Variants in RHBDD1 observed in about 807,000 individuals in gnomAD.
The protein encoded by RHBDD1 is rhomboid-related protein 4.
A neutral mutation model predicts 36.3 loss-of-function variants in RHBDD1; 38 were observed. The observed-to-expected ratio is 1.05, with a 90% CI of 0.81 to 1.37. RHBDD1 has a LOEUF of 1.37. Ranked by LOEUF, RHBDD1 falls within the 40% of genes most tolerant of loss-of-function variation. RHBDD1 has a pLI of 0.00. For synonymous variants in RHBDD1, 151 were observed against 136.5 expected (o/e 1.11, Z -0.74); for missense variants, 393 against 377.6 (o/e 1.04, Z -0.34).
Position 226,995,721 on chromosome 2 carries a change from G to T in RHBDD1, c.*199G>T. The T allele has an allele frequency of 1.7e-6, 1 of 588,908 alleles. No individual in the cohort carries two copies. The highest frequency in any genetic ancestry group is 3.0e-6 in the Non-Finnish European group (1 of 331,022). 36.5% of individuals were successfully genotyped at this position (588,908 alleles called of 1,614,324 possible). ...GCTTGCGGGGAGTGGGCCTTCTCCT[G>T]GCCTTGTTCTTGCTCATAAACAGGT... On this transcript the variant is annotated 3_prime_UTR_variant, in exon 9 of 9. Transcript: ENST00000392062.
At chr2:226,926,444 A>G (rs1949677790) in intron 8 of RHBDD1, among the ~76,000 whole-genome samples, 1 of 152,124 alleles carries the variant, frequency 6.6e-6, no homozygotes, top group Non-Finnish European at 1.5e-5. Context: ...TGCCCTTTTT[A>G]TGATTTAATT....
chr2:226,917,905 ATAGT>A (rs1265245103), intron 8 of RHBDD1, among the ~76,000 whole-genome samples: 3 of 152,074 alleles, frequency 2.0e-5, no homozygotes, highest in Non-Finnish European at 4.4e-5. Context: ...ATAAAAGTTA[ATAGT>A]TAATTGATGA....
At position 226,841,361 on chromosome 2, in the gene RHBDD1, T is replaced by A. The variant is rs541934830; in HGVS notation, c.-91+1734T>A. ...GTGTAGGATGTGCAGGTTTGTTACA[T>A]AGGTAAACATGTGCCATGGTGGTTT... is the stretch of plus-strand genomic sequence containing the variant. On this transcript the variant is annotated intron_variant, in intron 3 of 8. Transcript: ENST00000392062. 2.0e-5 allele frequency among the ~76,000 whole-genome samples: 3 copies of A among 152,242 alleles called. No homozygotes were observed. In the South Asian group the frequency reaches 6.2e-4, roughly 32 times the overall value.
intron 8 of RHBDD1, among the ~76,000 whole-genome samples, chr2:226,956,185 G>A (rs1951779055): frequency 6.6e-6 from 1 of 152,138 alleles, no homozygotes; most frequent in Non-Finnish European, 1.5e-5. Context: ...CCCTCTGGGA[G>A]TCCCACTGTG....
chr2:226,843,234 C>T (rs1001662260), intron 3 of RHBDD1, among the ~76,000 whole-genome samples: 2 of 152,130 alleles, frequency 1.3e-5, no homozygotes, highest in Admixed American at 1.3e-4. Context: ...ATTTCACTTC[C>T]TCTCTTCCTA....
intron 8 of RHBDD1, among the ~76,000 whole-genome samples, chr2:226,974,174 G>T (rs1332989948): frequency 2.0e-5 from 3 of 152,224 alleles, no homozygotes; most frequent in African/African-American, 7.2e-5. Flanking sequence ...ATGTGGGAAG[G>T]TTCCGCTGAA....
chr2:226,962,098 C>G (rs1402615363), intron 8 of RHBDD1, among the ~76,000 whole-genome samples: 1 of 152,206 alleles, frequency 6.6e-6, no homozygotes, highest in African/African-American at 2.4e-5. Context: ...ATCCGAGCTA[C>G]TCTTTCCAGT....
At chr2:226,805,669 AT>A in the RHBDD1 span, among the ~76,000 whole-genome samples, 1 of 152,228 alleles carries the variant, frequency 6.6e-6, no homozygotes, top group Non-Finnish European at 1.5e-5. Context: ...CTAAATTTAA[AT>A]TTATATTTAA....
At chr2:226,984,128 C>G (rs1956400773) in intron 8 of RHBDD1, among the ~76,000 whole-genome samples, 1 of 152,244 alleles carries the variant, frequency 6.6e-6, no homozygotes, top group South Asian at 2.1e-4. Flanking sequence ...CACATCTGTT[C>G]ACCGCTCTGA....
intron 2 of RHBDD1, among the ~76,000 whole-genome samples, chr2:226,838,950 C>T (rs984034601): frequency 2.6e-5 from 4 of 152,162 alleles, no homozygotes; most frequent in African/African-American, 9.7e-5. Context: ...TGGGGACAGT[C>T]AGCTAGAGAA....
intron 3 of RHBDD1, among the ~76,000 whole-genome samples, chr2:226,860,954 G>C (rs755478166): frequency 3.3e-5 from 5 of 152,162 alleles, no homozygotes; most frequent in Non-Finnish European, 5.9e-5. Flanking sequence ...GAATATAAGT[G>C]TTTTGTTATT....
At chr2:226,942,132 G>C (rs953274032) in intron 8 of RHBDD1, among the ~76,000 whole-genome samples, 1 of 152,084 alleles carries the variant, frequency 6.6e-6, no homozygotes, top group African/African-American at 2.4e-5. Context: ...TAACTAAGTA[G>C]AGATTAACAT....
the RHBDD1 span, among the ~76,000 whole-genome samples, chr2:226,801,203 AC>A: frequency 1.3e-5 from 2 of 151,962 alleles, no homozygotes; most frequent in African/African-American, 4.8e-5. Flanking sequence ...AGTGGCTGGG[AC>A]CCGGCGGGCC....
rs995526829 is a variant in RHBDD1 at position 226,882,835 on chromosome 2, G to A, written c.566+15517G>A. ...TCACACTTCTGGAGGCTGGAAGTCT[G>A]AGATCAGGTTGCCATCATGGTTGGT... On this transcript the variant is annotated intron_variant, in intron 5 of 8. Transcript: ENST00000392062. Among the ~76,000 whole-genome samples the A allele has an allele frequency of 5.9e-5, 9 of 152,274 alleles. 1 individual carries two copies. The highest frequency in any genetic ancestry group is 6.8e-3 in the Middle Eastern group (2 of 294).
At chr2:226,905,577 G>T (rs190344668) in intron 5 of RHBDD1, among the ~76,000 whole-genome samples, 76 of 152,318 alleles carry the variant, frequency 5.0e-4, no homozygotes, top group African/African-American at 1.8e-3. Context: ...TCAGAGGATG[G>T]CAATGACACC....
intron 5 of RHBDD1, among the ~76,000 whole-genome samples, chr2:226,904,354 G>T (rs913028615): frequency 6.8e-6 from 1 of 147,738 alleles, no homozygotes; most frequent in Admixed American, 6.8e-5. Context: ...TCCCGTAAGG[G>T]GTTTAAGCAT....
chr2:226,875,232 A>G (rs982822019), intron 5 of RHBDD1, among the ~76,000 whole-genome samples: 1 of 152,122 alleles, frequency 6.6e-6, no homozygotes, highest in Non-Finnish European at 1.5e-5. Context: ...AGTTGTTTTC[A>G]TGGTTGCTGT....
At chr2:226,882,430 C>CAAAAAAAAAAA (rs58149634) in intron 5 of RHBDD1, among the ~76,000 whole-genome samples, 3 of 57,104 alleles carry the variant, frequency 5.3e-5, no homozygotes, top group Non-Finnish European at 1.1e-4. Flanking sequence ...GACTTTGCCT[C>CAAAAAAAAAAA]AAAAAAAAAA....
At chr2:226,965,239 G>C (rs1470286381) in intron 8 of RHBDD1, among the ~76,000 whole-genome samples, 2 of 152,158 alleles carry the variant, frequency 1.3e-5, no homozygotes, top group South Asian at 4.1e-4. Flanking sequence ...GGAACACCAA[G>C]GATGGCCAGC....
Sources: allele counts gnomAD v4.1 joint callset (sites outside exome capture counted in the v4.1 genomes callset), GRCh38; gene constraint gnomAD v4.1.1; transcripts MANE v1.5; gene names NCBI Gene and HGNC (gene_info 2026-07-23, HGNC 2026-07-21).